The following TNIK variants were observed in gnomAD, a reference collection of about 807,000 sequenced individuals.
TNIK encodes the protein TRAF2 and NCK-interacting protein kinase.
In TNIK, 49 loss-of-function variants were observed where a neutral mutation model predicts 191.3. The ratio of observed to expected loss-of-function variants is 0.26; its 90% CI spans 0.20 to 0.32. The LOEUF (loss-of-function observed/expected upper bound fraction) is 0.32. Ranked by LOEUF, TNIK falls within the 10% of genes least tolerant of loss-of-function variation. The probability of loss-of-function intolerance (pLI) is 1.00; values close to 1 mark genes in which losing one functional copy is unlikely to be tolerated. For missense variants in TNIK, 1,155 were observed against 1,702.3 expected, an observed-to-expected ratio of 0.68 and a Z score of 5.66; for synonymous variants, 594 against 600.9, an observed-to-expected ratio of 0.99 and a Z score of 0.17.
intron 1 of TNIK, among the ~76,000 whole-genome samples, chr3:171,443,317 G>A (rs530140462): frequency 1.3e-5 from 2 of 152,002 alleles, no homozygotes; most frequent in Admixed American, 6.6e-5. Context: ...AAACTCAAAG[G>A]GCCCTTTCAA....
chr3:171,212,317 C>T (rs1411845733), intron 3 of TNIK, among the ~76,000 whole-genome samples: 8 of 152,064 alleles, frequency 5.3e-5, no homozygotes, highest in Non-Finnish European at 8.8e-5. Flanking sequence ...TGAGTTTAAT[C>T]GACATTCACC....
intron 1 of TNIK, among the ~76,000 whole-genome samples, chr3:171,370,752 T>C (rs905746410): frequency 1.3e-5 from 2 of 152,196 alleles, no homozygotes; most frequent in African/African-American, 2.4e-5. Flanking sequence ...CTTGTCAACA[T>C]ATGAGCACAA....
intron 2 of TNIK, among the ~76,000 whole-genome samples, chr3:171,365,990 G>A (rs978792357): frequency 2.0e-5 from 3 of 152,098 alleles, no homozygotes; most frequent in African/African-American, 7.2e-5. Flanking sequence ...AAAACCTGTG[G>A]CTAATTTGTA....
chr3:171,344,385 A>G (rs1178841697), intron 2 of TNIK, among the ~76,000 whole-genome samples: 3 of 152,142 alleles, frequency 2.0e-5, no homozygotes, highest in Admixed American at 2.0e-4. Context: ...GCTTCTTTGT[A>G]GGGGTTCTGA....
At chr3:171,162,897 T>G (rs1035648238) in intron 10 of TNIK, among the ~76,000 whole-genome samples, 1 of 152,168 alleles carries the variant, frequency 6.6e-6, no homozygotes, top group African/African-American at 2.4e-5. Context: ...GCAGTACATA[T>G]AAAGAGCAAT....
intron 14 of TNIK, among the ~76,000 whole-genome samples, chr3:171,138,659 T>A (rs1730368135): frequency 6.6e-6 from 1 of 152,096 alleles, no homozygotes; most frequent in Non-Finnish European, 1.5e-5. Context: ...TTGTCCCTGA[T>A]GAATTACAAG....
At chr3:171,304,552 C>T (rs953850687) in intron 2 of TNIK, among the ~76,000 whole-genome samples, 16 of 152,168 alleles carry the variant, frequency 1.1e-4, no homozygotes, top group Non-Finnish European at 2.1e-4. Context: ...TTTAAAGACA[C>T]ATGCATACGT....
intron 12 of TNIK, among the ~76,000 whole-genome samples, chr3:171,154,259 CAA>C (rs33932410): frequency 0.043 from 5,925 of 137,568 alleles, 158 homozygotes; most frequent in African/African-American, 0.091. Flanking sequence ...GATATCTCTT[CAA>C]AAAAAAAAAA....
chr3:171,457,145 C>T (rs1421874790), intron 1 of TNIK, among the ~76,000 whole-genome samples: 1 of 152,224 alleles, frequency 6.6e-6, no homozygotes, highest in Non-Finnish European at 1.5e-5. Flanking sequence ...TATTTTCTAA[C>T]CAAAGAAGAT....
At chr3:171,279,094 T>C (rs1750127255) in intron 2 of TNIK, among the ~76,000 whole-genome samples, 1 of 151,718 alleles carries the variant, frequency 6.6e-6, no homozygotes, top group South Asian at 2.1e-4. Flanking sequence ...AGAGTTTATA[T>C]GCAGACATTA....
chr3:171,225,581 CT>C (rs1272385650), intron 3 of TNIK: 2 of 456,608 alleles, frequency 4.4e-6, no homozygotes, highest in Non-Finnish European at 8.8e-6. Flanking sequence ...CTCAAATCAT[CT>C]TCTGTAGAGC....
chr3:171,407,996 C>T (rs1379680156), intron 1 of TNIK, among the ~76,000 whole-genome samples: 6 of 151,982 alleles, frequency 3.9e-5, no homozygotes, highest in Admixed American at 3.9e-4. Context: ...TAATAATGTC[C>T]ATAAATGGCT....
intron 1 of TNIK, among the ~76,000 whole-genome samples, chr3:171,404,060 G>A (rs1453150082): frequency 6.6e-6 from 1 of 152,220 alleles, no homozygotes; most frequent in Non-Finnish European, 1.5e-5. Flanking sequence ...ATCAAAGCAT[G>A]AAGTACAGCC....
intron 18 of TNIK, among the ~76,000 whole-genome samples, chr3:171,114,770 C>A (rs1576860739): frequency 6.6e-6 from 1 of 152,286 alleles, no homozygotes; most frequent in East Asian, 1.9e-4. Flanking sequence ...CCAATAATGG[C>A]ATTCCTTTGT....
chr3:171,265,702 C>T (rs1748297547), intron 2 of TNIK, among the ~76,000 whole-genome samples: 1 of 152,072 alleles, frequency 6.6e-6, no homozygotes, highest in African/African-American at 2.4e-5. Context: ...GTGAAAGCTA[C>T]CAGGGATGTG....
At chr3:171,104,070 A>AATTTT (rs71620595) in intron 21 of TNIK, among the ~76,000 whole-genome samples, 1 of 151,640 alleles carries the variant, frequency 6.6e-6, no homozygotes, top group Non-Finnish European at 1.5e-5. Context: ...TAACAATTAA[A>AATTTT]CTTAAAGGAA....
intron 27 of TNIK, among the ~76,000 whole-genome samples, chr3:171,081,366 T>C (rs1204644366): frequency 6.6e-6 from 1 of 151,796 alleles, no homozygotes; most frequent in African/African-American, 2.4e-5. Context: ...TGTCTCTTCG[T>C]GAAACAATGG....
chr3:171,431,056 C>G (rs192674152), intron 1 of TNIK, among the ~76,000 whole-genome samples: 3 of 151,990 alleles, frequency 2.0e-5, no homozygotes, highest in Non-Finnish European at 4.4e-5. Flanking sequence ...ATAGGTCCGT[C>G]CTGCTTGTTT....
intron 15 of TNIK, among the ~76,000 whole-genome samples, chr3:171,132,392 A>G (rs572586078): frequency 1.4e-4 from 21 of 152,332 alleles, no homozygotes; most frequent in Admixed American, 1.2e-3. Flanking sequence ...ATAGCATTAT[A>G]TAGAGAGAAA....
Sources: allele counts gnomAD v4.1 joint callset (sites outside exome capture counted in the v4.1 genomes callset), GRCh38; gene constraint gnomAD v4.1.1; transcripts MANE v1.5; gene names NCBI Gene and HGNC (gene_info 2026-07-23, HGNC 2026-07-21).